TCF20: variants seen among roughly 807,000 people sequenced by gnomAD.
TCF20 encodes SPRE-binding protein.
TCF20 carries 3 observed loss-of-function variants against 148.6 expected under a neutral mutation model. The observed-to-expected ratio is 0.02, with a 90% CI of 0.01 to 0.05. The LOEUF is 0.05. Ranked by LOEUF, TCF20 falls within the 10% of genes least tolerant of loss-of-function variation. The pLI, the probability that TCF20 is intolerant of heterozygous loss-of-function variation, is 1.00. For missense variants in TCF20, 2,350 were observed against 2,429.3 expected, an observed-to-expected ratio of 0.97 and a Z score of 0.69; for synonymous variants, 1,049 against 909.5, an observed-to-expected ratio of 1.15 and a Z score of -2.76.
At chr22:42,184,440 G>C (rs1936948020) in intron 2 of TCF20, among the ~76,000 whole-genome samples, 1 of 152,004 alleles carries the variant, frequency 6.6e-6, no homozygotes, top group Non-Finnish European at 1.5e-5. Flanking sequence ...CCATGTGTAA[G>C]GTTTTCCCTT....
intron 1 of TCF20, among the ~76,000 whole-genome samples, chr22:42,332,162 C>T (rs739150): frequency 0.61 from 93,448 of 152,096 alleles, 31,311 homozygotes; most frequent in African/African-American, 0.89. Flanking sequence ...ATGGGCACTA[C>T]GAACTAGCCT....
At chr22:42,287,194 G>A (rs117150568), upstream of TCF20, among the ~76,000 whole-genome samples, 3,352 of 152,276 alleles carry the variant, frequency 0.022, 53 homozygotes, top group Non-Finnish European at 0.033. Context: ...CTCTATTTGG[G>A]AGCACAGGTT....
chr22:42,187,969 CCT>C (rs1002618104), intron 2 of TCF20, among the ~76,000 whole-genome samples: 19 of 152,184 alleles, frequency 1.2e-4, no homozygotes, highest in African/African-American at 4.3e-4. Context: ...CTGTCACATA[CCT>C]CTTTTTATGC....
chr22:42,166,505 G>T (rs1463667757), intron 5 of TCF20, among the ~76,000 whole-genome samples: 1 of 151,966 alleles, frequency 6.6e-6, no homozygotes, highest in African/African-American at 2.4e-5. Flanking sequence ...CTACTCGGGA[G>T]GGCTGAGGCG....
At chr22:42,265,239 A>C (rs1334180701) in intron 1 of TCF20, among the ~76,000 whole-genome samples, 1 of 152,208 alleles carries the variant, frequency 6.6e-6, no homozygotes, top group Admixed American at 6.5e-5. Context: ...CAATAATCAA[A>C]AACTATCCAG....
intron 3 of TCF20, among the ~76,000 whole-genome samples, chr22:42,170,783 T>A: frequency 6.6e-6 from 1 of 152,190 alleles, no homozygotes; most frequent in Non-Finnish European, 1.5e-5. Context: ...AAATCCTTGA[T>A]TCTAGGCTAA....
At chr22:42,275,518 C>T (rs555991125), upstream of TCF20, among the ~76,000 whole-genome samples, 4 of 152,324 alleles carry the variant, frequency 2.6e-5, no homozygotes, top group Admixed American at 6.5e-5. Flanking sequence ...CCTGGTCTCA[C>T]CAGTGTGTGT....
intron 1 of TCF20, among the ~76,000 whole-genome samples, chr22:42,224,362 C>T (rs1253061052): frequency 2.6e-5 from 4 of 151,816 alleles, no homozygotes; most frequent in Non-Finnish European, 5.9e-5. Context: ...GTCCCAGCTA[C>T]TCAGGAGGCT....
intron 1 of TCF20, among the ~76,000 whole-genome samples, chr22:42,293,157 C>T (rs1418084245): frequency 1.3e-5 from 2 of 152,154 alleles, no homozygotes; most frequent in Admixed American, 6.5e-5. Flanking sequence ...GTTGGCCCCC[C>T]AGCCCCTCGA....
rs1470157637 is a variant in TCF20 at position 42,211,069 on chromosome 22, C to CTG, written c.4236_4237insCA (p.Ala1413GlnfsTer5). On this transcript the variant is annotated frameshift_variant, in exon 2 of 6. Transcript: ENST00000677622. LOFTEE classifies it high-confidence loss of function. ...TTTGCTGGACTGACTAGGTCCGAAGCCACCTCACCTTTTCTCTTCTCTATG... is the reference window on the plus strand; with the variant it reads ...TTTGCTGGACTGACTAGGTCCGAAGCTGCACCTCACCTTTTCTCTTCTCTATG... 6.2e-7 allele frequency: 1 copy of CTG among 1,614,048 alleles called. No individual in the cohort carries two copies. Among genetic ancestry groups the CTG allele is most frequent in the African/African-American group, 1.3e-5 (1 of 74,902 alleles).
At chr22:42,310,981 A>G (rs1490596881) in intron 1 of TCF20, among the ~76,000 whole-genome samples, 3 of 152,242 alleles carry the variant, frequency 2.0e-5, no homozygotes, top group African/African-American at 7.2e-5. Context: ...CTGGCTCATC[A>G]ATACCCAAGA....
chr22:42,254,878 T>C (rs1016023132), intron 1 of TCF20, among the ~76,000 whole-genome samples: 6 of 140,548 alleles, frequency 4.3e-5, no homozygotes, highest in East Asian at 2.1e-4. Context: ...GGCAGGAGAA[T>C]GGCGTGAACC....
chr22:42,192,787 C>A (rs939118875), intron 2 of TCF20, among the ~76,000 whole-genome samples: 7 of 152,172 alleles, frequency 4.6e-5, no homozygotes, highest in African/African-American at 1.7e-4. Context: ...CAAACCGGGG[C>A]CTTTTCTTCC....
chr22:42,181,395 C>G (rs1253743799), intron 2 of TCF20, among the ~76,000 whole-genome samples: 1 of 151,966 alleles, frequency 6.6e-6, no homozygotes, highest in Non-Finnish European at 1.5e-5. Context: ...ATTGGCCAAG[C>G]TGGTCTCAAA....
chr22:42,163,695 A>G (rs913048045), intron 5 of TCF20, among the ~76,000 whole-genome samples: 1 of 152,320 alleles, frequency 6.6e-6, no homozygotes, highest in South Asian at 2.1e-4. Flanking sequence ...GGTGTGGCTG[A>G]GAGACGGCTG....
chr22:42,210,772 C>G lies in TCF20; in HGVS notation c.4534G>C (p.Glu1512Gln). The G allele has an allele frequency of 6.2e-7, 1 of 1,614,244 alleles. No individual in the cohort carries two copies. Among genetic ancestry groups the G allele is most frequent in the Non-Finnish European group, 8.5e-7 (1 of 1,180,046 alleles). ...ILAPEANPKA[E>Q]EKENDTVTIS... ...GTCACTGTATCGTTCTCCTTCTCTT[C>G]AGCCTTGGGGTTTGCCTCAGGGGCC... Residue 1512 changes from glutamate to glutamine, a missense_variant, in exon 2 of 6, where the codon GAA becomes CAA. By Grantham distance (29) the Glu-to-Gln change is conservative (BLOSUM62 2). Coordinates refer to ENST00000677622, the MANE Select transcript of TCF20 (RefSeq NM_001378418.1). The surrounding 1 kb of genome is among the most constrained non-coding windows in gnomAD (Gnocchi z 4.7).
intron 1 of TCF20, among the ~76,000 whole-genome samples, chr22:42,322,696 G>GAGTGTATGAGGGAATGAATA (rs1927755012): frequency 6.6e-6 from 1 of 151,772 alleles, no homozygotes; most frequent in East Asian, 1.9e-4. Context: ...GGGAATGAAT[G>GAGTGTATGAGGGAATGAATA]AGTGTCTGAG....
intron 2 of TCF20, among the ~76,000 whole-genome samples, chr22:42,190,460 A>ACG (rs1491545894): frequency 3.6e-5 from 1 of 27,604 alleles, no homozygotes; most frequent in Admixed American, 4.4e-4. Context: ...ACCTTGACTG[A>ACG]CACACACACA....
At chr22:42,332,468 G>A (rs966551994) in intron 1 of TCF20, among the ~76,000 whole-genome samples, 4 of 152,114 alleles carry the variant, frequency 2.6e-5, no homozygotes, top group African/African-American at 7.2e-5. Context: ...GAGAGTGAGC[G>A]GGAGAGTTCA....
Sources: allele counts gnomAD v4.1 joint callset (sites outside exome capture counted in the v4.1 genomes callset), GRCh38; gene constraint gnomAD v4.1.1; non-coding constraint Gnocchi (gnomAD v3.1); transcripts MANE v1.5; gene names NCBI Gene and HGNC (gene_info 2026-07-23, HGNC 2026-07-21).